MSI1: variants seen among roughly 807,000 people sequenced by gnomAD.
MSI1 encodes the protein RNA-binding protein Musashi homolog 1.
In MSI1, 15 loss-of-function variants were observed where a neutral mutation model predicts 54.4. The observed-to-expected ratio is 0.28, with a 90% CI of 0.18 to 0.42. MSI1 has a LOEUF of 0.42. MSI1 is among the 20% of genes least tolerant of loss of function. The pLI is 1.00. For synonymous variants in MSI1, 200 were observed against 196.5 expected (o/e 1.02, Z -0.15); for missense variants, 304 against 506.0 (o/e 0.60, Z 3.83).
chr12:120,348,035 A>G (rs939380529), intron 11 of MSI1, among the ~76,000 whole-genome samples: 6 of 152,052 alleles, frequency 3.9e-5, no homozygotes, highest in African/African-American at 1.2e-4. Context: ...GCTCACACCG[A>G]GGCCATAGCG....
intron 11 of MSI1, 144 bp from the exon 12 acceptor site, chr12:120,347,658 C>T (rs1874251394): frequency 2.2e-6 from 2 of 913,558 alleles, no homozygotes; most frequent in South Asian, 1.5e-5. Context: ...GCAGAAAAGG[C>T]TACCTTGGGC....
intron 6 of MSI1, 30 bp downstream of exon 6, chr12:120,363,013 C>T: frequency 1.3e-6 from 2 of 1,583,466 alleles, no homozygotes; most frequent in Non-Finnish European, 1.7e-6. Flanking sequence ...TTCACAGCCC[C>T]AGCAGCAAGC....
chr12:120,344,113 C>T (rs568745333), intron 14 of MSI1, among the ~76,000 whole-genome samples: 1 of 152,272 alleles, frequency 6.6e-6, no homozygotes, highest in South Asian at 2.1e-4. Flanking sequence ...GCCTTGGCCC[C>T]GCAAAGTGCT....
Position 120,358,998 on chromosome 12 carries a change from C to T in MSI1, c.451+7G>A, listed in dbSNP as rs760338648. 8.3e-6 allele frequency: 13 copies of T among 1,566,992 alleles called. No individual in the cohort carries two copies. The highest frequency in any genetic ancestry group is 1.1e-5 in the Non-Finnish European group (13 of 1,155,948). On this transcript the variant is annotated splice_region_variant and intron_variant, in intron 7 of 14. Transcript: ENST00000257552. Reference sequence around the variant, plus strand: ...CAGCCTGGGAAGGGGGAGGGGGCCACACTCACCTCGGTGCCGGTTGGTGGT... The same window carrying T: ...CAGCCTGGGAAGGGGGAGGGGGCCATACTCACCTCGGTGCCGGTTGGTGGT...
At chr12:120,345,498 G>T in intron 14 of MSI1, 72 bp downstream of exon 14, 2 of 1,377,598 alleles carry the variant, frequency 1.5e-6, no homozygotes, top group Non-Finnish European at 2.1e-6. Flanking sequence ...TGGGGTCTGT[G>T]TCCCAGATTC....
At chr12:120,358,971 C>T (rs553654928) in intron 7 of MSI1, 34 bp downstream of exon 7, 1 of 1,560,762 alleles carries the variant, frequency 6.4e-7, no homozygotes, top group Middle Eastern at 1.7e-4. Flanking sequence ...GACCACGGGG[C>T]CCAGCCTGGG....
At chr12:120,357,734 G>A in intron 8 of MSI1, 82 bp downstream of exon 8, 2 of 1,355,190 alleles carry the variant, frequency 1.5e-6, no homozygotes, top group Non-Finnish European at 2.1e-6. Context: ...TCAAACTCCT[G>A]ACCTCATGTA....
intron 7 of MSI1, among the ~76,000 whole-genome samples, chr12:120,358,309 T>C (rs1179442): frequency 0.73 from 111,821 of 152,176 alleles, 41,384 homozygotes; most frequent in South Asian, 0.79. Flanking sequence ...CACGCATGCA[T>C]ACATCTAGAT....
intron 8 of MSI1, 40 bp from the exon 9 acceptor site, chr12:120,357,059 A>G: frequency 6.5e-7 from 1 of 1,541,740 alleles, no homozygotes; most frequent in Non-Finnish European, 9.0e-7. Flanking sequence ...CCACAGAGCT[A>G]GAGTCATTAG....
chr12:120,352,368 T>C (rs1874690898), intron 10 of MSI1, among the ~76,000 whole-genome samples: 1 of 150,984 alleles, frequency 6.6e-6, no homozygotes, highest in African/African-American at 2.4e-5. Context: ...AGAATCCTCT[T>C]CTTCTTGTGT....
At chr12:120,364,881 C>T in intron 4 of MSI1, 126 bp from the exon 5 acceptor site, 1 of 742,020 alleles carries the variant, frequency 1.3e-6, no homozygotes, top group South Asian at 2.5e-5. Context: ...TCACAAAAGC[C>T]TCTAGGAGGA....
intron 12 of MSI1, 22 bp from the exon 13 acceptor site, chr12:120,346,344 G>A (rs781766631): frequency 4.6e-6 from 7 of 1,506,452 alleles, no homozygotes; most frequent in Non-Finnish European, 5.3e-6. Context: ...GAAAGAAGAC[G>A]GTGATAGCCC....
Position 120,358,990 on chromosome 12 carries a change from G to C in MSI1, c.451+15C>G, listed in dbSNP as rs1228190090. Reference sequence around the variant, plus strand: ...ACGGGGCCCAGCCTGGGAAGGGGGAGGGGGCCACACTCACCTCGGTGCCGG... The same window carrying C: ...ACGGGGCCCAGCCTGGGAAGGGGGACGGGGCCACACTCACCTCGGTGCCGG... On this transcript the variant is annotated intron_variant, in intron 7 of 14. Coordinates refer to ENST00000257552, the MANE Select transcript of MSI1 (RefSeq NM_002442.4). 36 of 1,566,478 alleles carry C rather than the reference G, an allele frequency of 2.3e-5. No individual in the cohort carries two copies. Among genetic ancestry groups the C allele is most frequent in the Non-Finnish European group, 3.0e-5 (35 of 1,155,640 alleles).
At position 120,364,748 on chromosome 12, in the gene MSI1, G is replaced by A; in HGVS notation, c.275C>T (p.Pro92Leu). 1 of 1,600,134 alleles carries A rather than the reference G, an allele frequency of 6.2e-7. No homozygotes were observed. The highest frequency in any genetic ancestry group is 8.5e-7 in the Non-Finnish European group (1 of 1,173,578). The part of the protein sequence containing the change: ...RHELDSKTID[P>L]KVAFPRRAQP... ...TGCTCGCCGAGGGAAGGCCACCTTA[G>A]GGTCAATCTACAAGAAAAGGGAGAG... The change falls in exon 5 of 15, where the codon CCT (proline) becomes CTT (leucine). Residue 92 changes from proline (P) to leucine (L), a missense_variant. Coordinates refer to ENST00000257552, the MANE Select transcript of MSI1 (RefSeq NM_002442.4).
intron 10 of MSI1, among the ~76,000 whole-genome samples, chr12:120,352,422 G>A (rs948643224): frequency 2.6e-5 from 4 of 151,974 alleles, no homozygotes; most frequent in Middle Eastern, 3.2e-3. Flanking sequence ...GAAAAGCGAC[G>A]GCCCTAGAAT....
chr12:120,358,003 G>A (rs1451079400), intron 7 of MSI1, 105 bp from the exon 8 acceptor site: 19 of 921,222 alleles, frequency 2.1e-5, no homozygotes, highest in Admixed American at 1.6e-4. Context: ...TCTGGCGAGT[G>A]AGAGTTAATG....
At chr12:120,343,544 C>G (rs1374723309) in intron 14 of MSI1, among the ~76,000 whole-genome samples, 1 of 151,908 alleles carries the variant, frequency 6.6e-6, no homozygotes, top group Non-Finnish European at 1.5e-5. Context: ...CTTTCTGTTC[C>G]CTGGTTGGAT....
At position 120,369,079 on chromosome 12, in the gene MSI1, C is replaced by A. The variant is rs1876225285; in HGVS notation, c.13G>T (p.Ala5Ser). 4.9e-6 allele frequency: 5 copies of A among 1,021,050 alleles called. No individual in the cohort carries two copies. The highest frequency in any genetic ancestry group is 5.8e-6 in the Non-Finnish European group (5 of 857,584). 63.2% of individuals were successfully genotyped at this position (1,021,050 alleles called of 1,614,324 possible). A position where few individuals can be genotyped will look rare whatever the true frequency, so the allele number is the denominator to read the frequency against. Reference protein sequence around the residue: METDAPQPGLASPDS... With the variant: METDSPQPGLASPDS... ...GGGGAGGCGAGGCCGGGCTGGGGCG[C>A]GTCAGTCTCCATCGGGAGCCGCGGG... Residue 5 changes from alanine to serine, a missense_variant, in exon 1 of 15, where the codon GCG (alanine) becomes TCG (serine). Coordinates refer to ENST00000257552, the MANE Select transcript of MSI1 (RefSeq NM_002442.4).
At chr12:120,351,238 G>C in intron 11 of MSI1, 106 bp downstream of exon 11, 1 of 1,087,058 alleles carries the variant, frequency 9.2e-7, no homozygotes, top group Non-Finnish European at 1.4e-6. Flanking sequence ...CGGAGGGCTG[G>C]CGGGCAGGAG....
Sources: allele counts gnomAD v4.1 joint callset (sites outside exome capture counted in the v4.1 genomes callset), GRCh38; gene constraint gnomAD v4.1.1; transcripts MANE v1.5; gene names NCBI Gene and HGNC (gene_info 2026-07-23, HGNC 2026-07-21).